Variants in RARB observed in about 807,000 individuals in gnomAD.
The protein encoded by RARB is HBV-activated protein.
A neutral mutation model predicts 51.9 loss-of-function variants in RARB; 17 were observed. The observed-to-expected ratio is 0.33, with a 90% CI of 0.22 to 0.49. RARB has a LOEUF of 0.49. RARB is among the 20% of genes least tolerant of loss of function. RARB has a pLI of 0.99. For synonymous variants in RARB, 215 were observed against 195.4 expected, an observed-to-expected ratio of 1.10 and a Z score of -0.84; for missense variants, 369 against 550.8, an observed-to-expected ratio of 0.67 and a Z score of 3.30.
chr3:25,353,818 C>T (rs1705648847), intron 5 of RARB, among the ~76,000 whole-genome samples: 1 of 152,058 alleles, frequency 6.6e-6, no homozygotes, highest in Non-Finnish European at 1.5e-5. Flanking sequence ...TAAACCCAGA[C>T]TTCAAGTGGT....
At chr3:25,481,235 A>C (rs1389875059) in intron 2 of RARB, among the ~76,000 whole-genome samples, 1 of 152,212 alleles carries the variant, frequency 6.6e-6, no homozygotes, top group Non-Finnish European at 1.5e-5. Flanking sequence ...TCTATTCTTT[A>C]AGTATTGGCA....
Position 25,532,873 on chromosome 3 carries a change from C to T in RARB, c.448+31550C>T, listed in dbSNP as rs1482342261. Reference sequence around the variant, plus strand: ...TTTTGGAAAGAAAGGCATTGCTTTTCAGGACATTTAAAGTTCACTTCAGAG... The same window carrying T: ...TTTTGGAAAGAAAGGCATTGCTTTTTAGGACATTTAAAGTTCACTTCAGAG... On this transcript the variant is annotated intron_variant, in intron 3 of 7. Transcript: ENST00000330688. Among the ~76,000 whole-genome samples, 3 of 152,132 alleles carry T rather than the reference C, an allele frequency of 2.0e-5. No homozygotes were observed. In the East Asian group the frequency reaches 5.8e-4, roughly 29 times the overall value.
At chr3:25,260,690 C>A (rs536598232) in intron 5 of RARB, among the ~76,000 whole-genome samples, 23 of 152,254 alleles carry the variant, frequency 1.5e-4, no homozygotes, top group African/African-American at 5.3e-4. Context: ...ATGTCATCTG[C>A]AGCCGCCTGT....
intron 4 of RARB, among the ~76,000 whole-genome samples, chr3:25,163,892 C>G (rs911980035): frequency 1.3e-5 from 2 of 152,062 alleles, no homozygotes; most frequent in African/African-American, 2.4e-5. Context: ...TAGGAGAAGA[C>G]CTGAGTATGG....
chr3:25,092,062 T>G (rs1353820831), intron 3 of RARB, among the ~76,000 whole-genome samples: 1 of 152,190 alleles, frequency 6.6e-6, no homozygotes, highest in Non-Finnish European at 1.5e-5. Context: ...TGCCTCACTA[T>G]AGCTTAAGAG....
intron 1 of RARB, among the ~76,000 whole-genome samples, chr3:25,451,773 G>T (rs150325170): frequency 6.6e-6 from 1 of 152,170 alleles, no homozygotes. Flanking sequence ...CATAAGCAAC[G>T]AATGTGTGTG....
At chr3:25,506,638 C>T (rs1360933516) in intron 3 of RARB, among the ~76,000 whole-genome samples, 3 of 152,206 alleles carry the variant, frequency 2.0e-5, no homozygotes, top group African/African-American at 7.2e-5. Context: ...AATATTTGTC[C>T]CTGTCTTCAT....
chr3:24,932,903 G>A (rs1384927962), intron 2 of RARB, among the ~76,000 whole-genome samples: 1 of 151,970 alleles, frequency 6.6e-6, no homozygotes, highest in African/African-American at 2.4e-5. Context: ...TAATGATTAT[G>A]GAAGAGAGAA....
At chr3:25,295,085 C>T (rs962200941) in intron 5 of RARB, among the ~76,000 whole-genome samples, 8 of 152,104 alleles carry the variant, frequency 5.3e-5, no homozygotes, top group Non-Finnish European at 8.8e-5. Flanking sequence ...TACCACTTAC[C>T]GTGTAACTCT....
intron 2 of RARB, among the ~76,000 whole-genome samples, chr3:25,059,695 G>T (rs1171373519): frequency 1.3e-5 from 2 of 151,614 alleles, no homozygotes; most frequent in African/African-American, 4.8e-5. Context: ...AAAAGCAAAT[G>T]AACAAATTAC....
chr3:24,986,167 T>TTG (rs1365073870), intron 2 of RARB, among the ~76,000 whole-genome samples: 15 of 152,348 alleles, frequency 9.8e-5, no homozygotes, highest in African/African-American at 2.9e-4. Context: ...GAAATAGGTA[T>TTG]TGAATGTCTG....
chr3:25,518,055 A>T (rs1356324601), intron 3 of RARB, among the ~76,000 whole-genome samples: 2 of 152,228 alleles, frequency 1.3e-5, no homozygotes, highest in Admixed American at 6.5e-5. Context: ...TGACTGTTTC[A>T]CAATTTGTGA....
chr3:24,991,277 T>C (rs1328731224), intron 2 of RARB, among the ~76,000 whole-genome samples: 1 of 152,026 alleles, frequency 6.6e-6, no homozygotes, highest in Admixed American at 6.6e-5. Context: ...CCCGTCTCTA[T>C]TAAAAATACA....
In RARB at chr3:25,494,250, T is replaced by TACACACACACACACACACAC. The variant is rs142658742; in HGVS notation, c.307-6930_307-6929insACACACACACACACACACAC. On this transcript the variant is annotated intron_variant, in intron 2 of 7. Transcript: ENST00000330688. ...TTAGCCCCCTTTTCCAGCTGTATCT[T>TACACACACACACACACACAC]ACGCACACACACACACACACACACA... Among the ~76,000 whole-genome samples, 677 of 137,150 alleles carry TACACACACACACACACACAC rather than the reference T, an allele frequency of 4.9e-3. 9 individuals carry two copies. Among genetic ancestry groups the TACACACACACACACACACAC allele is most frequent in the African/African-American group, 0.016 (622 of 38,728 alleles). 90.0% of individuals were successfully genotyped at this position (137,150 alleles called of 152,430 possible).
chr3:24,908,663 GTTTTTTTTTTT>G (rs59008287), intron 2 of RARB, among the ~76,000 whole-genome samples: 1 of 93,462 alleles, frequency 1.1e-5, no homozygotes, highest in African/African-American at 3.8e-5. Context: ...AACCACAACT[GTTTTTTTTTTT>G]TTTTTTTTTT....
At chr3:24,923,049 G>T (rs972689442) in intron 2 of RARB, among the ~76,000 whole-genome samples, 1 of 152,048 alleles carries the variant, frequency 6.6e-6, no homozygotes, top group Non-Finnish European at 1.5e-5. Flanking sequence ...CTTGCAGCAG[G>T]TTACAACAAA....
chr3:25,580,516 G>A, intron 4 of RARB, 30 bp from the exon 5 acceptor site: 1 of 1,530,914 alleles, frequency 6.5e-7, no homozygotes, highest in Non-Finnish European at 8.9e-7. Flanking sequence ...CCCGGAAACT[G>A]TATCTGATGA....
chr3:25,110,764 C>G (rs1699588123), intron 3 of RARB, among the ~76,000 whole-genome samples: 1 of 152,122 alleles, frequency 6.6e-6, no homozygotes, highest in Admixed American at 6.6e-5. Flanking sequence ...TTAAACCAAT[C>G]AAGTGTTAGT....
chr3:24,988,092 C>T (rs2125432476), intron 2 of RARB, among the ~76,000 whole-genome samples: 1 of 152,214 alleles, frequency 6.6e-6, no homozygotes, highest in Admixed American at 6.5e-5. Context: ...GTAATTGTCT[C>T]ATATAACACC....
Sources: gnomAD v4.1 joint callset for allele counts (sites outside exome capture counted in the v4.1 genomes callset) on GRCh38, gnomAD v4.1.1 for gene constraint, MANE v1.5 for transcripts, NCBI Gene and HGNC (gene_info 2026-07-23, HGNC 2026-07-21) for gene names.